Variants in MCPH1 observed in about 807,000 individuals in gnomAD.
MCPH1 encodes microcephalin.
Under a neutral mutation model 84.5 loss-of-function variants are expected in MCPH1, and 104 were observed. The observed-to-expected ratio is 1.23, with a 90% CI of 1.05 to 1.45. The LOEUF is 1.45. Among genes scored for constraint, MCPH1 ranks in the 40% most tolerant of loss-of-function variants. MCPH1 has a pLI of 0.00. For missense variants in MCPH1, 1,498 were observed against 1,005.7 expected, an observed-to-expected ratio of 1.49 and a Z score of -6.62; for synonymous variants, 514 against 366.8, an observed-to-expected ratio of 1.40 and a Z score of -4.58.
In MCPH1 at chr8:6,406,673, G is replaced by A. The variant is rs1214918745; in HGVS notation, c.6G>A (p.Ala2=). The change falls in exon 1 of 14, where the codon GCG becomes GCA. Residue 2 remains alanine (A), a synonymous_variant. Transcript: ENST00000344683. Reference sequence around the variant, plus strand: ...GCCGGATCCCGCCGTCTGTCATGGCGGCCCCCATCCTGAAAGGTGAGGTAC... The same window carrying A: ...GCCGGATCCCGCCGTCTGTCATGGCAGCCCCCATCCTGAAAGGTGAGGTAC... M[A]APILKDVVAY... is the part of the protein sequence containing the mutation. 8.7e-6 allele frequency: 14 copies of A among 1,611,982 alleles called. No homozygotes were observed. Among genetic ancestry groups the A allele is most frequent in the Non-Finnish European group, 1.2e-5 (14 of 1,179,526 alleles).
At chr8:6,428,324 G>C (rs1308000893) in intron 3 of MCPH1, among the ~76,000 whole-genome samples, 2 of 152,158 alleles carry the variant, frequency 1.3e-5, no homozygotes, top group African/African-American at 2.4e-5. Context: ...AGGAACATCA[G>C]TATGTCGCTA....
At chr8:6,534,437 G>C (rs1198757353) in intron 12 of MCPH1, among the ~76,000 whole-genome samples, 1 of 152,132 alleles carries the variant, frequency 6.6e-6, no homozygotes, top group African/African-American at 2.4e-5. Flanking sequence ...GTCCCCCACA[G>C]ACATCAAGGG....
At chr8:6,483,058 G>C (rs1158969968) in intron 11 of MCPH1, among the ~76,000 whole-genome samples, 2 of 152,228 alleles carry the variant, frequency 1.3e-5, no homozygotes, top group Admixed American at 6.5e-5. Context: ...AGAGGTGACA[G>C]CTGAGTTGAG....
intron 12 of MCPH1, among the ~76,000 whole-genome samples, chr8:6,610,451 C>T (rs572268329): frequency 6.6e-6 from 1 of 152,220 alleles, no homozygotes; most frequent in Non-Finnish European, 1.5e-5. Flanking sequence ...AGTCTGGCGT[C>T]AACTGTCATT....
intron 12 of MCPH1, among the ~76,000 whole-genome samples, chr8:6,613,530 G>C (rs539090073): frequency 2.0e-5 from 3 of 152,196 alleles, no homozygotes; most frequent in African/African-American, 7.2e-5. Flanking sequence ...GCTGGGCAGG[G>C]GCCTGGGGCT....
At chr8:6,626,977 G>C (rs1796768588) in intron 13 of MCPH1, 1 of 973,778 alleles carries the variant, frequency 1.0e-6, no homozygotes, top group Admixed American at 6.5e-5. Flanking sequence ...ATTCTCAACA[G>C]CATTGCCAAA....
In MCPH1 at chr8:6,406,667, C is replaced by T; in HGVS notation, c.-1C>T. 1 of 1,612,246 alleles carries T rather than the reference C, an allele frequency of 6.2e-7. No individual in the cohort carries two copies. The highest frequency in any genetic ancestry group is 8.5e-7 in the Non-Finnish European group (1 of 1,179,536). ...CAGCTGGCCGGATCCCGCCGTCTGT[C>T]ATGGCGGCCCCCATCCTGAAAGGTG... is the stretch of plus-strand genomic sequence containing the variant. On this transcript the variant is annotated 5_prime_UTR_variant, in exon 1 of 14. Transcript: ENST00000344683.
chr8:6,629,339 G>A (rs1796989923), intron 13 of MCPH1, among the ~76,000 whole-genome samples: 1 of 152,208 alleles, frequency 6.6e-6, no homozygotes, highest in Admixed American at 6.5e-5. Flanking sequence ...GTGGGCACCT[G>A]CAATCCCAGC....
At chr8:6,524,687 T>A (rs932122686) in intron 12 of MCPH1, among the ~76,000 whole-genome samples, 1 of 152,228 alleles carries the variant, frequency 6.6e-6, no homozygotes, top group Non-Finnish European at 1.5e-5. Flanking sequence ...GAAATTTAGA[T>A]GTTTTGATGG....
In MCPH1 at chr8:6,646,783, T is replaced by A. The variant is rs1015845269; in HGVS notation, c.*3734T>A. On this transcript the variant is annotated 3_prime_UTR_variant, in exon 14 of 14. Transcript: ENST00000344683. Reference sequence around the variant, plus strand: ...TTTTGACAATCTCTGTCTCCAGATATTCCCAAATGTGCCCTGGAGAGCAAA... The same window carrying A: ...TTTTGACAATCTCTGTCTCCAGATAATCCCAAATGTGCCCTGGAGAGCAAA... 2.0e-5 allele frequency: 3 copies of A among 152,208 alleles called. No individual in the cohort carries two copies. The highest frequency in any genetic ancestry group is 7.2e-5 in the African/African-American group (3 of 41,446). The allele number at this position is 152,208 out of a possible 1,614,324, so 9.4% of individuals were successfully genotyped here.
chr8:6,542,497 G>T (rs1266335653), intron 12 of MCPH1, among the ~76,000 whole-genome samples: 4 of 152,004 alleles, frequency 2.6e-5, no homozygotes, highest in African/African-American at 9.7e-5. Flanking sequence ...GCTAGCGCCT[G>T]GGTCACAGTG....
chr8:6,476,112 A>C (rs143882083), intron 9 of MCPH1, among the ~76,000 whole-genome samples: 1 of 152,152 alleles, frequency 6.6e-6, no homozygotes, highest in Non-Finnish European at 1.5e-5. Flanking sequence ...ACAAACAGAC[A>C]TAGATAATTT....
chr8:6,608,938 C>G (rs1466569310), intron 12 of MCPH1, among the ~76,000 whole-genome samples: 1 of 152,150 alleles, frequency 6.6e-6, no homozygotes, highest in Non-Finnish European at 1.5e-5. Flanking sequence ...AACAGCTTCC[C>G]AGGCGATGAG....
chr8:6,541,159 A>T, intron 12 of MCPH1, among the ~76,000 whole-genome samples: 1 of 152,200 alleles, frequency 6.6e-6, no homozygotes, highest in Non-Finnish European at 1.5e-5. Context: ...AGTTGGGCCC[A>T]GAGGGTTAAT....
intron 12 of MCPH1, chr8:6,562,552 C>CTTTTTTTTTTCTTTTTTTTTTT (rs1825706009): frequency 1.4e-5 from 1 of 71,748 alleles, no homozygotes; most frequent in African/African-American, 6.3e-5. Context: ...CATCCTCCTT[C>CTTTTTTTTTTCTTTTTTTTTTT]TTTTTTTTTT....
At chr8:6,428,623 C>A (rs1801402453) in intron 3 of MCPH1, among the ~76,000 whole-genome samples, 2 of 152,234 alleles carry the variant, frequency 1.3e-5, no homozygotes, top group African/African-American at 4.8e-5. Flanking sequence ...GATATACGGC[C>A]TTCATGTCTG....
At chr8:6,455,675 T>G (rs374920371) in intron 9 of MCPH1, among the ~76,000 whole-genome samples, 1 of 152,206 alleles carries the variant, frequency 6.6e-6, no homozygotes, top group Non-Finnish European at 1.5e-5. Flanking sequence ...AACACTCAGG[T>G]ACACCCTTCC....
intron 12 of MCPH1, among the ~76,000 whole-genome samples, chr8:6,582,502 C>A (rs751349180): frequency 2.0e-5 from 3 of 152,182 alleles, no homozygotes; most frequent in Non-Finnish European, 4.4e-5. Flanking sequence ...GTCCTTGATT[C>A]AGCACACGTT....
chr8:6,588,015 G>A (rs1363890632), intron 12 of MCPH1, among the ~76,000 whole-genome samples: 1 of 152,210 alleles, frequency 6.6e-6, no homozygotes, highest in African/African-American at 2.4e-5. Context: ...GCTGTCTGAA[G>A]TCAGCTTCCC....
Sources: allele counts gnomAD v4.1 joint callset (sites outside exome capture counted in the v4.1 genomes callset), GRCh38; gene constraint gnomAD v4.1.1; transcripts MANE v1.5; gene names NCBI Gene and HGNC (gene_info 2026-07-23, HGNC 2026-07-21).